SYT9: variants seen among roughly 807,000 people sequenced by gnomAD.
SYT9 encodes the protein synaptotagmin 9, also known as synaptotagmin-9.
A neutral mutation model predicts 48.4 loss-of-function variants in SYT9; 22 were observed. The observed-to-expected ratio is 0.45, with a 90% confidence interval of 0.32 to 0.65. SYT9 has a LOEUF of 0.65. Ranked by LOEUF, SYT9 falls within the 30% of genes least tolerant of loss-of-function variation. The pLI, the probability that SYT9 is intolerant of heterozygous loss-of-function variation, is 0.03. For synonymous variants in SYT9, 265 were observed against 245.0 expected, an observed-to-expected ratio of 1.08 and a Z score of -0.76; for missense variants, 577 against 622.0, an observed-to-expected ratio of 0.93 and a Z score of 0.77.
At chr11:7,423,122 C>T (rs1847385159) in intron 6 of SYT9, among the ~76,000 whole-genome samples, 1 of 152,146 alleles carries the variant, frequency 6.6e-6, no homozygotes, top group Admixed American at 6.5e-5. Flanking sequence ...ATATGAAGGG[C>T]AAGCCTTCAT....
At chr11:7,251,528 G>A (rs1158968219), upstream of SYT9, among the ~76,000 whole-genome samples, 3 of 152,148 alleles carry the variant, frequency 2.0e-5, no homozygotes, top group African/African-American at 4.8e-5. Context: ...AAACCCAGGC[G>A]GCTCTTTCCA....
At chr11:7,282,280 A>C (rs886781149) in intron 1 of SYT9, among the ~76,000 whole-genome samples, 1 of 152,152 alleles carries the variant, frequency 6.6e-6, no homozygotes, top group Non-Finnish European at 1.5e-5. Flanking sequence ...AAACCAAATA[A>C]TCTTTTGGCT....
At chr11:7,463,460 T>G (rs952303260) in intron 6 of SYT9, among the ~76,000 whole-genome samples, 1 of 152,106 alleles carries the variant, frequency 6.6e-6, no homozygotes, top group Non-Finnish European at 1.5e-5. Flanking sequence ...GTTGAGATTT[T>G]CTAGTCTTCC....
intron 6 of SYT9, among the ~76,000 whole-genome samples, chr11:7,442,263 G>A (rs1393081499): frequency 6.6e-6 from 1 of 152,164 alleles, no homozygotes; most frequent in Non-Finnish European, 1.5e-5. Flanking sequence ...TCCCACCCCT[G>A]TGGTGGGACT....
chr11:7,360,906 C>T (rs1022296132), intron 3 of SYT9, among the ~76,000 whole-genome samples: 81 of 152,110 alleles, frequency 5.3e-4, no homozygotes, highest in African/African-American at 1.9e-3. Context: ...TTCAAGTTAT[C>T]TATTCTTGAT....
chr11:7,387,033 C>T (rs1262673334), intron 3 of SYT9, among the ~76,000 whole-genome samples: 2 of 152,094 alleles, frequency 1.3e-5, no homozygotes, highest in Admixed American at 1.3e-4. Context: ...TCATTCTCAG[C>T]AAACTATCGC....
Position 7,303,039 on chromosome 11 carries a change from A to G in SYT9, c.146A>G (p.Asp49Gly), listed in dbSNP as rs762599599. The change falls in exon 2 of 7, where the codon GAT becomes GGT. Residue 49 changes from aspartate to glycine, a missense_variant and splice_region_variant. By Grantham distance (94) the Asp-to-Gly change is moderately conservative. Coordinates refer to ENST00000318881, the MANE Select transcript of SYT9 (RefSeq NM_175733.4). The part of the protein sequence containing the change: ...DRARPRLRDP[D>G]ISVSLLTLVV... ...ACCTTTGATCTTTGCTTCTTTGCAG[A>G]TATCTCAGTGAGCCTGCTGACCCTT... 2.5e-6 allele frequency: 4 copies of G among 1,613,484 alleles called. No individual in the cohort carries two copies. Among genetic ancestry groups the G allele is most frequent in the Non-Finnish European group, 3.4e-6 (4 of 1,179,444 alleles).
At position 7,372,955 on chromosome 11, in the gene SYT9, A is replaced by T. The variant is rs1325447596; in HGVS notation, c.1045-43087A>T. 3.3e-5 allele frequency among the ~76,000 whole-genome samples: 5 copies of T among 152,080 alleles called. No individual in the cohort carries two copies. The East Asian group carries it at 9.6e-4, about 29-fold the overall frequency. The stretch of plus-strand genomic sequence containing the variant: ...GGTTTTATATTTATTTTTATTAGGA[A>T]TGGATGCTAAATATTCCCCAATATT... On this transcript the variant is annotated intron_variant, in intron 3 of 6. Transcript: ENST00000318881.
At chr11:7,251,305 C>G (rs530647805), upstream of SYT9, among the ~76,000 whole-genome samples, 235 of 4,960 alleles carry the variant, frequency 0.047, no homozygotes, top group South Asian at 0.5. Context: ...GCTTAGAAAA[C>G]TAAGGGACCC....
intron 6 of SYT9, chr11:7,441,599 C>T (rs997775994): frequency 6.6e-6 from 1 of 152,176 alleles, no homozygotes; most frequent in Non-Finnish European, 1.5e-5. Flanking sequence ...TCTTCCCAGG[C>T]TATTGGGCCA....
chr11:7,252,148 G>T lies in SYT9; in HGVS notation c.-39G>T. ...TGGCAGGCGGAGGGCTGTCTCCTGCGCCCGCCTGCCCGGCGCGGTCCGAGG... is the reference window on the plus strand; with the variant it reads ...TGGCAGGCGGAGGGCTGTCTCCTGCTCCCGCCTGCCCGGCGCGGTCCGAGG... On this transcript the variant is annotated 5_prime_UTR_variant, in exon 1 of 7. Coordinates refer to ENST00000318881, the MANE Select transcript of SYT9 (RefSeq NM_175733.4). The surrounding 1 kb of genome is among the most constrained non-coding windows in gnomAD (Gnocchi z 6.3). The T allele has an allele frequency of 7.2e-7, 1 of 1,381,560 alleles. No individual in the cohort carries two copies. The highest frequency in any genetic ancestry group is 1.5e-5 in the African/African-American group (1 of 66,168). 85.6% of individuals were successfully genotyped at this position (1,381,560 alleles called of 1,614,324 possible).
intron 6 of SYT9, chr11:7,457,909 A>G (rs1848175672): frequency 6.6e-6 from 1 of 152,204 alleles, no homozygotes; most frequent in South Asian, 2.1e-4. Flanking sequence ...TATCCCAGCA[A>G]TCTTTCAAGG....
intron 1 of SYT9, among the ~76,000 whole-genome samples, chr11:7,240,322 A>G (rs929494290): frequency 2.0e-5 from 3 of 152,186 alleles, no homozygotes; most frequent in Admixed American, 1.3e-4. Context: ...TTGAAGTTTC[A>G]TATAGCAGAT....
At chr11:7,406,533 CGCATAT>C (rs1476405853) in intron 3 of SYT9, among the ~76,000 whole-genome samples, 2 of 59,250 alleles carry the variant, frequency 3.4e-5, no homozygotes, top group African/African-American at 1.3e-4. Context: ...TGTTCAATTG[CGCATAT>C]ATATATATAT....
At chr11:7,251,862 C>G, upstream of SYT9, 1 of 238,934 alleles carries the variant, frequency 4.2e-6, no homozygotes. Context: ...GGCCCCGCCC[C>G]CCGGCGGCCG....
intron 3 of SYT9, among the ~76,000 whole-genome samples, chr11:7,405,882 C>T (rs1236810744): frequency 6.6e-6 from 1 of 151,906 alleles, no homozygotes; most frequent in Non-Finnish European, 1.5e-5. Context: ...AGCATTTTCT[C>T]CTTGAGAACT....
At chr11:7,241,579 G>T (rs1313246202) in intron 1 of SYT9, among the ~76,000 whole-genome samples, 1 of 152,170 alleles carries the variant, frequency 6.6e-6, no homozygotes, top group Non-Finnish European at 1.5e-5. Flanking sequence ...CAGTTGGAAG[G>T]ATTCAGACCA....
intron 1 of SYT9, among the ~76,000 whole-genome samples, chr11:7,278,760 C>A (rs574929316): frequency 1.3e-5 from 2 of 152,274 alleles, no homozygotes; most frequent in East Asian, 3.9e-4. Context: ...TTTAGATTCT[C>A]ACATTCTAAT....
intron 3 of SYT9, among the ~76,000 whole-genome samples, chr11:7,398,833 T>C (rs1252527212): frequency 6.6e-6 from 1 of 152,160 alleles, no homozygotes; most frequent in Non-Finnish European, 1.5e-5. Flanking sequence ...CACACAATTT[T>C]CAGCCTTCCC....
Sources: gnomAD v4.1 joint callset for allele counts (sites outside exome capture counted in the v4.1 genomes callset) on GRCh38, gnomAD v4.1.1 for gene constraint, Gnocchi (gnomAD v3.1) non-coding constraint, MANE v1.5 for transcripts, NCBI Gene and HGNC (gene_info 2026-07-23, HGNC 2026-07-21) for gene names.